The following OLA1 variants were observed in gnomAD, a reference collection of about 807,000 sequenced individuals.
OLA1 encodes the protein Obg like ATPase 1, also known as obg-like ATPase 1.
OLA1 carries 14 observed loss-of-function variants against 48.4 expected under a neutral mutation model. The observed-to-expected ratio is 0.29, with a 90% CI of 0.19 to 0.45. OLA1 has a LOEUF of 0.45. OLA1 is among the 20% of genes least tolerant of loss of function. The pLI is 1.00. For missense variants in OLA1, 325 were observed against 467.1 expected (o/e 0.70, Z 2.80); for synonymous variants, 127 against 150.4 (o/e 0.84, Z 1.14).
intron 4 of OLA1, among the ~76,000 whole-genome samples, chr2:174,206,435 G>C (rs898762416): frequency 6.6e-6 from 1 of 152,104 alleles, no homozygotes; most frequent in South Asian, 2.1e-4. Context: ...CAGTACCTTA[G>C]AAGTTGCCCT....
At chr2:174,247,645 AT>A in intron 1 of OLA1, 1 of 1,550,402 alleles carries the variant, frequency 6.4e-7, no homozygotes, top group Non-Finnish European at 8.7e-7. Flanking sequence ...CACAACCCCC[AT>A]TTTTCACATA....
intron 4 of OLA1, among the ~76,000 whole-genome samples, chr2:174,220,948 T>A (rs1274472457): frequency 2.6e-5 from 4 of 152,148 alleles, no homozygotes; most frequent in African/African-American, 7.2e-5. Flanking sequence ...ATTAAAGAAT[T>A]ATCAATTTTC....
intron 4 of OLA1, among the ~76,000 whole-genome samples, chr2:174,169,112 A>AT (rs1464827377): frequency 6.6e-6 from 1 of 151,930 alleles, no homozygotes; most frequent in Non-Finnish European, 1.5e-5. Flanking sequence ...CGCCCAGCTA[A>AT]TTTTTTGTAT....
In OLA1 at chr2:174,072,671, C is replaced by T. The variant is rs924900429; in HGVS notation, c.*2755G>A. ...CTCTGACTCTCTGAATGAAAGGAGA[C>T]GGGGTTTACAAAGGAGCTTTGGAAA... On this transcript the variant is annotated 3_prime_UTR_variant, in exon 11 of 11. Coordinates refer to ENST00000284719, the MANE Select transcript of OLA1 (RefSeq NM_013341.5). 2 of 152,050 alleles carry T rather than the reference C, an allele frequency of 1.3e-5. No homozygotes were observed. Among genetic ancestry groups the T allele is most frequent in the South Asian group, 2.1e-4 (1 of 4,818 alleles). 9.4% of individuals were successfully genotyped at this position (152,050 alleles called of 1,614,324 possible). A position where few individuals can be genotyped will look rare whatever the true frequency, so the allele number is the denominator to read the frequency against.
intron 2 of OLA1, among the ~76,000 whole-genome samples, chr2:174,241,575 T>A (rs1271910613): frequency 6.6e-6 from 1 of 152,202 alleles, no homozygotes; most frequent in African/African-American, 2.4e-5. Flanking sequence ...TTTGTGAGTG[T>A]TTGAACACAG....
chr2:174,078,802 A>G (rs1684801921), intron 10 of OLA1, among the ~76,000 whole-genome samples, 166 bp downstream of exon 10: 1 of 151,978 alleles, frequency 6.6e-6, no homozygotes, highest in African/African-American at 2.4e-5. Context: ...GTATGTAAAC[A>G]TCTATAGCTC....
chr2:174,136,100 C>T (rs1002011629), intron 5 of OLA1, among the ~76,000 whole-genome samples: 1 of 152,168 alleles, frequency 6.6e-6, no homozygotes, highest in Non-Finnish European at 1.5e-5. Context: ...GGTGGAGGGT[C>T]GTGCCTTAAT....
At chr2:174,212,173 T>C (rs965158026) in intron 4 of OLA1, among the ~76,000 whole-genome samples, 1 of 152,222 alleles carries the variant, frequency 6.6e-6, no homozygotes, top group African/African-American at 2.4e-5. Context: ...TATAACCTAC[T>C]ACACACCTAG....
In OLA1 at chr2:174,072,697, T is replaced by C. The variant is rs1234605560; in HGVS notation, c.*2729A>G. Reference sequence around the variant, plus strand: ...GGGGTTTACAAAGGAGCTTTGGAAATATTATACACAGACAACTAGAGACAA... The same window carrying C: ...GGGGTTTACAAAGGAGCTTTGGAAACATTATACACAGACAACTAGAGACAA... On this transcript the variant is annotated 3_prime_UTR_variant, in exon 11 of 11. Coordinates refer to ENST00000284719, the MANE Select transcript of OLA1 (RefSeq NM_013341.5). 3 of 152,134 alleles carry C rather than the reference T, an allele frequency of 2.0e-5. No homozygotes were observed. Among genetic ancestry groups the C allele is most frequent in the Admixed American group, 1.3e-4 (2 of 15,270 alleles). The allele number at this position is 152,134 out of a possible 1,614,324, so 9.4% of individuals were successfully genotyped here.
intron 7 of OLA1, among the ~76,000 whole-genome samples, chr2:174,122,969 T>C (rs958408531): frequency 2.5e-4 from 38 of 152,196 alleles, no homozygotes; most frequent in Middle Eastern, 3.2e-3. Context: ...TATTGCTTAT[T>C]TAATTCAGTT....
At chr2:174,240,775 T>C (rs1463347697) in intron 2 of OLA1, among the ~76,000 whole-genome samples, 1 of 152,110 alleles carries the variant, frequency 6.6e-6, no homozygotes, top group Non-Finnish European at 1.5e-5. Flanking sequence ...TAGAGAATAA[T>C]TTTCCTCCTG....
intron 4 of OLA1, among the ~76,000 whole-genome samples, chr2:174,173,804 C>T (rs114156300): frequency 1.9e-3 from 290 of 151,724 alleles, no homozygotes; most frequent in African/African-American, 6.7e-3. Context: ...TCTAACATCA[C>T]AAAGGAAAGA....
intron 7 of OLA1, among the ~76,000 whole-genome samples, chr2:174,107,542 C>G (rs1685544467): frequency 6.6e-6 from 1 of 152,052 alleles, no homozygotes; most frequent in Non-Finnish European, 1.5e-5. Flanking sequence ...GTTTAGATTT[C>G]AAAGCAAAGA....
chr2:174,118,873 A>C (rs988237371), intron 7 of OLA1, among the ~76,000 whole-genome samples: 5 of 152,200 alleles, frequency 3.3e-5, no homozygotes, highest in African/African-American at 9.7e-5. Flanking sequence ...CCTAATATGC[A>C]TAGGGTCAGT....
At chr2:174,204,306 CAGG>C (rs1395379058) in intron 4 of OLA1, among the ~76,000 whole-genome samples, 1 of 151,990 alleles carries the variant, frequency 6.6e-6, no homozygotes, top group Non-Finnish European at 1.5e-5. Context: ...GAGGCTGACG[CAGG>C]AGAATGGCAT....
intron 5 of OLA1, among the ~76,000 whole-genome samples, chr2:174,139,864 C>CAAA (rs1162058790): frequency 4.7e-4 from 35 of 75,198 alleles, no homozygotes; most frequent in African/African-American, 9.0e-4. Flanking sequence ...GACTCAGTCT[C>CAAA]AAAAAAAAAA....
intron 4 of OLA1, among the ~76,000 whole-genome samples, chr2:174,152,496 A>T (rs1019199302): frequency 3.3e-5 from 5 of 152,218 alleles, no homozygotes; most frequent in Admixed American, 2.6e-4. Flanking sequence ...TCTTAAAACA[A>T]GGCAAATTTT....
intron 4 of OLA1, among the ~76,000 whole-genome samples, chr2:174,145,672 G>A (rs2105384027): frequency 6.6e-6 from 1 of 152,166 alleles, no homozygotes; most frequent in South Asian, 2.1e-4. Flanking sequence ...ATTTTTATTA[G>A]CTTCAATTTT....
chr2:174,158,476 A>T (rs931179720), intron 4 of OLA1, among the ~76,000 whole-genome samples: 3 of 152,150 alleles, frequency 2.0e-5, no homozygotes, highest in African/African-American at 4.8e-5. Context: ...TTCCTGCTTT[A>T]TGCCATATTT....
Sources: gnomAD v4.1 joint callset for allele counts (sites outside exome capture counted in the v4.1 genomes callset) on GRCh38, gnomAD v4.1.1 for gene constraint, MANE v1.5 for transcripts, NCBI Gene and HGNC (gene_info 2026-07-23, HGNC 2026-07-21) for gene names.